TNS1: variants seen among roughly 807,000 people sequenced by gnomAD.
The protein encoded by TNS1 is tensin 1, also known as tensin-1.
In TNS1, 62 loss-of-function variants were observed where a neutral mutation model predicts 168.6. The observed-to-expected ratio is 0.37, with a 90% CI of 0.30 to 0.45. TNS1 has a LOEUF of 0.45. Ranked by LOEUF, TNS1 falls within the 20% of genes least tolerant of loss-of-function variation. The pLI, the probability that TNS1 is intolerant of heterozygous loss-of-function variation, is 1.00. For synonymous variants in TNS1, 934 were observed against 933.2 expected, an observed-to-expected ratio of 1.00 and a Z score of -0.02; for missense variants, 2,240 against 2,339.4, an observed-to-expected ratio of 0.96 and a Z score of 0.88.
intron 19 of TNS1, among the ~76,000 whole-genome samples, chr2:217,841,641 G>A (rs1013282410): frequency 1.5e-4 from 23 of 152,180 alleles, no homozygotes; most frequent in Non-Finnish European, 2.8e-4. Flanking sequence ...TGGAAGCAGA[G>A]GTGCCATCGT....
chr2:217,827,649 T>C (rs1357904784), intron 22 of TNS1, among the ~76,000 whole-genome samples: 5 of 152,204 alleles, frequency 3.3e-5, no homozygotes, highest in Non-Finnish European at 5.9e-5. Flanking sequence ...TCTGGCTCCA[T>C]TACCTCCTAA....
At chr2:218,004,076 G>T (rs1199384910), upstream of TNS1, among the ~76,000 whole-genome samples, 1 of 152,176 alleles carries the variant, frequency 6.6e-6, no homozygotes, top group Non-Finnish European at 1.5e-5. Flanking sequence ...TCTGGCCTTG[G>T]CTGGACCAAC....
upstream of TNS1, among the ~76,000 whole-genome samples, chr2:218,003,752 A>C (rs1357919084): frequency 1.3e-5 from 2 of 151,346 alleles, no homozygotes; most frequent in East Asian, 3.9e-4. Flanking sequence ...CCCGGGGCCA[A>C]CATTTGGTTT....
chr2:217,920,417 C>A (rs1955596651), intron 3 of TNS1, among the ~76,000 whole-genome samples, 181 bp from the exon 4 acceptor site: 1 of 152,110 alleles, frequency 6.6e-6, no homozygotes, highest in Admixed American at 6.5e-5. Flanking sequence ...AGCAATAACG[C>A]CTGGGAAAGG....
At chr2:217,841,367 C>G (rs1945935955) in intron 19 of TNS1, 1 of 643,566 alleles carries the variant, frequency 1.6e-6, no homozygotes, top group Non-Finnish European at 1.9e-6. Context: ...GCAGGCACCC[C>G]ACCAACAGCA....
upstream of TNS1, among the ~76,000 whole-genome samples, chr2:218,004,388 G>A (rs570385382): frequency 6.6e-5 from 10 of 152,010 alleles, no homozygotes; most frequent in East Asian, 1.7e-3. Flanking sequence ...ACTCACCCAA[G>A]GCCATGCCAT....
intron 6 of TNS1, chr2:217,903,604 T>G: frequency 6.5e-7 from 1 of 1,535,966 alleles, no homozygotes; most frequent in Non-Finnish European, 8.7e-7. Flanking sequence ...CATCCTTACC[T>G]CCAAAACACA....
chr2:217,991,398 C>T (rs1274545013), intron 1 of TNS1, among the ~76,000 whole-genome samples: 1 of 152,110 alleles, frequency 6.6e-6, no homozygotes, highest in Non-Finnish European at 1.5e-5. Context: ...AAATGTGTCA[C>T]TCGATACGTT....
intron 22 of TNS1, among the ~76,000 whole-genome samples, chr2:217,824,399 C>T (rs1414088979): frequency 6.6e-6 from 1 of 152,218 alleles, no homozygotes; most frequent in African/African-American, 2.4e-5. Context: ...TCCAGCACTT[C>T]AGCCCATCAG....
chr2:218,033,426 C>T lies in TNS1; in HGVS notation c.156+394G>A, dbSNP rs1958917123. On this transcript the variant is annotated intron_variant, in intron 1 of 1. Transcript: ENST00000649572. The surrounding 1 kb of genome is among the most constrained non-coding windows in gnomAD (Gnocchi z 4.3). ...CCCCCACCCTCCTAACTCCAGAGTC[C>T]TCCTAAATGAAGGGACACTGCCAGA... 6.6e-6 allele frequency among the ~76,000 whole-genome samples: 1 copy of T among 152,166 alleles called. No individual in the cohort carries two copies. The highest frequency in any genetic ancestry group is 1.5e-5 in the Non-Finnish European group (1 of 68,014).
intron 3 of TNS1, among the ~76,000 whole-genome samples, chr2:217,965,718 G>A (rs564711188): frequency 1.3e-4 from 20 of 152,300 alleles, no homozygotes; most frequent in African/African-American, 4.3e-4. Context: ...GGAGGCGGCC[G>A]TCCACCAGCA....
chr2:217,946,732 C>T (rs905140804), intron 3 of TNS1, among the ~76,000 whole-genome samples: 5 of 151,894 alleles, frequency 3.3e-5, no homozygotes, highest in African/African-American at 1.2e-4. Flanking sequence ...CATCCCCTAC[C>T]CCATCATCAC....
At position 217,995,196 on chromosome 2, in the gene TNS1, T is replaced by C. The variant is rs919627746; in HGVS notation, c.34-4140A>G. 3.0e-4 allele frequency among the ~76,000 whole-genome samples: 46 copies of C among 152,184 alleles called. No homozygotes were observed. The highest frequency in any genetic ancestry group is 1.0e-3 in the African/African-American group (43 of 41,438). ...ACCTCCAGGCAAGTGGCCCCCAGGC[T>C]CTGCTGGCATCCACTTAGTTCCGCT... On this transcript the variant is annotated intron_variant, in intron 1 of 32. Transcript: ENST00000682258. This position sits in a 1 kb window ranked among gnomAD's most constrained non-coding sequence, Gnocchi z 4.1.
chr2:217,813,752 T>G lies in TNS1; in HGVS notation c.4794A>C (p.Arg1598=). 1 of 1,613,988 alleles carries G rather than the reference T, an allele frequency of 6.2e-7. No homozygotes were observed. ...CCTTCATGGCCAGCCCGTACGCGCC[T>G]CGGAAGGAGTGACTGTCGCGGATGA... The part of the protein sequence containing the change: ...AFIIRDSHSF[R]GAYGLAMKVS... The change falls in exon 26 of 33, where the codon CGA becomes CGC. Residue 1598 remains arginine, a synonymous_variant. Transcript: ENST00000682258. This position sits in a 1 kb window ranked among gnomAD's most constrained non-coding sequence, Gnocchi z 4.0.
At chr2:217,806,073 G>T (rs1333425055) in intron 32 of TNS1, among the ~76,000 whole-genome samples, 1 of 152,226 alleles carries the variant, frequency 6.6e-6, no homozygotes, top group African/African-American at 2.4e-5. Flanking sequence ...ATGAGCAGGG[G>T]TGGGGGTGAT....
chr2:217,886,760 C>A, intron 12 of TNS1, 114 bp from the exon 13 acceptor site: 1 of 804,998 alleles, frequency 1.2e-6, no homozygotes, highest in Non-Finnish European at 2.1e-6. Flanking sequence ...CTACCCTCTC[C>A]CCAACCAACA....
intron 1 of TNS1, among the ~76,000 whole-genome samples, chr2:217,994,928 A>T (rs1164490016): frequency 6.6e-6 from 1 of 152,240 alleles, no homozygotes; most frequent in Non-Finnish European, 1.5e-5. Context: ...GCTATGTGGC[A>T]TTGAAAATAT....
intron 12 of TNS1, among the ~76,000 whole-genome samples, chr2:217,889,326 G>A (rs930291456): frequency 1.3e-5 from 2 of 152,248 alleles, no homozygotes; most frequent in African/African-American, 4.8e-5. Context: ...GGACAGCACA[G>A]TTCTAGCCAG....
intron 18 of TNS1, among the ~76,000 whole-genome samples, chr2:217,851,452 C>T (rs1300224410): frequency 6.6e-6 from 1 of 151,436 alleles, no homozygotes; most frequent in Admixed American, 6.6e-5. Context: ...CACACACACA[C>T]ACACACACAC....
Sources: allele counts gnomAD v4.1 joint callset (sites outside exome capture counted in the v4.1 genomes callset), GRCh38; gene constraint gnomAD v4.1.1; non-coding constraint Gnocchi (gnomAD v3.1); transcripts MANE v1.5; gene names NCBI Gene and HGNC (gene_info 2026-07-23, HGNC 2026-07-21).